MYRIP: variants seen among roughly 807,000 people sequenced by gnomAD.
MYRIP encodes the protein rab effector MyRIP.
MYRIP carries 49 observed loss-of-function variants against 98.0 expected under a neutral mutation model. The ratio of observed to expected loss-of-function variants is 0.50; its 90% CI spans 0.40 to 0.63. The LOEUF is 0.63. Ranked by LOEUF, MYRIP falls within the 30% of genes least tolerant of loss-of-function variation. The pLI, the probability that MYRIP is intolerant of heterozygous loss-of-function variation, is 0.00. For synonymous variants in MYRIP, 404 were observed against 409.5 expected, an observed-to-expected ratio of 0.99 and a Z score of 0.16; for missense variants, 1,004 against 1,058.2, an observed-to-expected ratio of 0.95 and a Z score of 0.71.
intron 2 of MYRIP, among the ~76,000 whole-genome samples, chr3:40,028,936 T>G (rs961336534): frequency 6.6e-6 from 1 of 152,162 alleles, no homozygotes; most frequent in Non-Finnish European, 1.5e-5. Flanking sequence ...GCTAGAGGGC[T>G]TGGTACAGTT....
At chr3:40,220,835 T>A (rs909477877) in intron 11 of MYRIP, among the ~76,000 whole-genome samples, 2 of 151,694 alleles carry the variant, frequency 1.3e-5, no homozygotes, top group African/African-American at 4.8e-5. Context: ...CACACACTTT[T>A]AAACAATCAG....
At chr3:39,903,279 T>G (rs745701441) in intron 2 of MYRIP, among the ~76,000 whole-genome samples, 1 of 152,234 alleles carries the variant, frequency 6.6e-6, no homozygotes, top group Non-Finnish European at 1.5e-5. Flanking sequence ...GGAGGTAGTA[T>G]TATTGAACTG....
At chr3:40,087,057 G>A (rs534840111) in intron 3 of MYRIP, among the ~76,000 whole-genome samples, 13 of 151,990 alleles carry the variant, frequency 8.6e-5, no homozygotes, top group South Asian at 2.1e-4. Flanking sequence ...CTACGTGGGC[G>A]AACATATTAC....
intron 1 of MYRIP, among the ~76,000 whole-genome samples, chr3:39,869,761 T>C (rs1942728594): frequency 6.6e-6 from 1 of 152,124 alleles, no homozygotes; most frequent in African/African-American, 2.4e-5. Flanking sequence ...CAAGGTACTA[T>C]CCCCTCCCCC....
intron 2 of MYRIP, among the ~76,000 whole-genome samples, chr3:40,042,537 A>G (rs1452628904): frequency 6.6e-6 from 1 of 152,154 alleles, no homozygotes; most frequent in Non-Finnish European, 1.5e-5. Context: ...TCTTAAATAT[A>G]TCTAGTTTTA....
At chr3:39,856,607 G>A (rs567569139) in intron 1 of MYRIP, among the ~76,000 whole-genome samples, 45 of 152,250 alleles carry the variant, frequency 3.0e-4, no homozygotes, top group Admixed American at 7.8e-4. Context: ...CCCAACCAGC[G>A]GAGCTACCCA....
intron 1 of MYRIP, among the ~76,000 whole-genome samples, chr3:39,848,993 G>A (rs1942050262): frequency 6.6e-6 from 1 of 152,102 alleles, no homozygotes; most frequent in South Asian, 2.1e-4. Flanking sequence ...TTGAAAGAAG[G>A]GAATTAATTC....
chr3:39,996,151 C>T (rs189109791), intron 2 of MYRIP, among the ~76,000 whole-genome samples: 17 of 152,302 alleles, frequency 1.1e-4, no homozygotes, highest in African/African-American at 4.1e-4. Context: ...CAGCTAACAT[C>T]ATAATGACAG....
intron 9 of MYRIP, among the ~76,000 whole-genome samples, chr3:40,183,186 C>G (rs1033364231): frequency 6.6e-6 from 1 of 152,220 alleles, no homozygotes; most frequent in Non-Finnish European, 1.5e-5. Flanking sequence ...GGTCACGTGG[C>G]CCCACCTCAA....
At chr3:40,109,525 C>T (rs1949117061) in intron 3 of MYRIP, among the ~76,000 whole-genome samples, 1 of 152,150 alleles carries the variant, frequency 6.6e-6, no homozygotes, top group African/African-American at 2.4e-5. Context: ...TCATTCACTC[C>T]TGTAATCCCA....
chr3:39,871,168 C>T (rs182239917), intron 1 of MYRIP, among the ~76,000 whole-genome samples: 79 of 152,280 alleles, frequency 5.2e-4, no homozygotes, highest in Non-Finnish European at 8.5e-4. Flanking sequence ...TTGGGAGAGG[C>T]AGATTGTATT....
chr3:39,907,771 G>A (rs1040823189), intron 2 of MYRIP, among the ~76,000 whole-genome samples: 3 of 152,154 alleles, frequency 2.0e-5, no homozygotes, highest in African/African-American at 7.2e-5. Context: ...CGCTCAGAGG[G>A]TGCATAGGCA....
At chr3:39,958,458 G>C (rs1312425533) in intron 2 of MYRIP, among the ~76,000 whole-genome samples, 1 of 152,226 alleles carries the variant, frequency 6.6e-6, no homozygotes, top group East Asian at 1.9e-4. Context: ...AATGGTGCTG[G>C]GAAAACTGGC....
At chr3:40,126,556 T>A (rs1205551497) in intron 3 of MYRIP, among the ~76,000 whole-genome samples, 3 of 152,268 alleles carry the variant, frequency 2.0e-5, no homozygotes, top group African/African-American at 7.2e-5. Context: ...CATGTGTTTA[T>A]GTCATTTAAT....
chr3:39,996,425 G>A (rs1039131370), intron 2 of MYRIP, among the ~76,000 whole-genome samples: 2 of 151,614 alleles, frequency 1.3e-5, no homozygotes, highest in African/African-American at 2.4e-5. Context: ...AAAGATCAAA[G>A]GAGACAAAGA....
At chr3:40,044,946 C>G (rs1947638949) in intron 3 of MYRIP, among the ~76,000 whole-genome samples, 1 of 152,176 alleles carries the variant, frequency 6.6e-6, no homozygotes, top group South Asian at 2.1e-4. Context: ...CTTCTTTGAT[C>G]TGTTGAGTAT....
At chr3:39,968,724 AG>A (rs2125741530) in intron 2 of MYRIP, among the ~76,000 whole-genome samples, 1 of 152,294 alleles carries the variant, frequency 6.6e-6, no homozygotes, top group African/African-American at 2.4e-5. Flanking sequence ...TGGTTACCAA[AG>A]CCTTGTAGTA....
At chr3:40,170,355 C>T (rs1017530992) in intron 8 of MYRIP, among the ~76,000 whole-genome samples, 3 of 152,092 alleles carry the variant, frequency 2.0e-5, no homozygotes, top group African/African-American at 7.2e-5. Context: ...TGCTGATAGG[C>T]TGCATTTTTT....
At chr3:40,207,567 T>C (rs753482341) in intron 10 of MYRIP, among the ~76,000 whole-genome samples, 29 of 152,222 alleles carry the variant, frequency 1.9e-4, no homozygotes, top group Non-Finnish European at 1.3e-4. Flanking sequence ...TGTCTCCCTT[T>C]AGAATTTATC....
Sources: allele counts gnomAD v4.1 joint callset (sites outside exome capture counted in the v4.1 genomes callset), GRCh38; gene constraint gnomAD v4.1.1; transcripts MANE v1.5; gene names NCBI Gene and HGNC (gene_info 2026-07-23, HGNC 2026-07-21).